The following ZNF318 variants were observed in gnomAD, a reference collection of about 807,000 sequenced individuals.
The protein encoded by ZNF318 is endocrine regulator.
In ZNF318, 51 loss-of-function variants were observed where a neutral mutation model predicts 124.2. The ratio of observed to expected loss-of-function variants is 0.41; its 90% CI spans 0.33 to 0.52. The LOEUF is 0.52. Ranked by LOEUF, ZNF318 falls within the 20% of genes least tolerant of loss-of-function variation. The probability of loss-of-function intolerance (pLI) is 0.23; values close to 1 mark genes in which losing one functional copy is unlikely to be tolerated. For synonymous variants in ZNF318, 1,090 were observed against 1,040.7 expected (o/e 1.05, Z -0.91); for missense variants, 2,815 against 2,811.2 (o/e 1.00, Z -0.03).
At chr6:43,345,542 G>A (rs1779428201) in intron 6 of ZNF318, among the ~76,000 whole-genome samples, 2 of 152,282 alleles carry the variant, frequency 1.3e-5, no homozygotes, top group East Asian at 3.9e-4. Context: ...TACATGAATA[G>A]AAATCCAATG....
At chr6:43,351,956 C>T (rs1356859067) in intron 5 of ZNF318, among the ~76,000 whole-genome samples, 2 of 151,998 alleles carry the variant, frequency 1.3e-5, no homozygotes, top group Non-Finnish European at 2.9e-5. Context: ...AACTGGTCAA[C>T]ATGGTGAAAC....
At chr6:43,352,631 TC>T (rs1236617880) in intron 4 of ZNF318, among the ~76,000 whole-genome samples, 155 bp from the exon 5 acceptor site, 2 of 152,362 alleles carry the variant, frequency 1.3e-5, no homozygotes, top group East Asian at 3.9e-4. Context: ...AATATTTCGT[TC>T]TAAGTTCCAG....
rs143473735 is a variant in ZNF318 at position 43,364,992 on chromosome 6, T to C, written c.548+300A>G. 2.4e-4 allele frequency among the ~76,000 whole-genome samples: 37 copies of C among 152,314 alleles called. No homozygotes were observed. The East Asian group carries it at 6.2e-3, about 25-fold the overall frequency. On this transcript the variant is annotated intron_variant, in intron 2 of 9. Coordinates refer to ENST00000361428, the MANE Select transcript of ZNF318 (RefSeq NM_014345.3). ...TCACTGTTTTAGAATCTATACCATCTCAACTGTTCTTCATTTGGGGGACTC... is the reference window on the plus strand; with the variant it reads ...TCACTGTTTTAGAATCTATACCATCCCAACTGTTCTTCATTTGGGGGACTC...
intron 5 of ZNF318, among the ~76,000 whole-genome samples, chr6:43,350,372 AAAAT>A (rs1220011558): frequency 9.8e-5 from 15 of 152,362 alleles, no homozygotes; most frequent in Admixed American, 8.5e-4. Flanking sequence ...TTTGAGCATG[AAAAT>A]AAATAATGAT....
rs759338416 is a variant in ZNF318, at chr6:43,355,712, T to A, written c.1622A>T (p.Asp541Val). 1.9e-6 allele frequency: 3 copies of A among 1,614,022 alleles called. No homozygotes were observed. Among genetic ancestry groups the A allele is most frequent in the African/African-American group, 2.7e-5 (2 of 74,908 alleles). ...TTCTGCCTTTAAATCCTCTTCTTCA[T>A]CCCCATAGAGAAATTTCTCCTCATC... ...IEDEEKFLYG[D>V]EEEDLKAESV... Residue 541 changes from aspartate to valine, a missense_variant, in exon 4 of 10, where the codon GAT becomes GTT. Asp to Val is a radical substitution (Grantham distance 152, BLOSUM62 -3). Coordinates refer to ENST00000361428, the MANE Select transcript of ZNF318 (RefSeq NM_014345.3).
chr6:43,342,620 A>G (rs887326534), intron 7 of ZNF318, 56 bp downstream of exon 7: 15 of 1,560,228 alleles, frequency 9.6e-6, no homozygotes, highest in Non-Finnish European at 1.3e-5. Flanking sequence ...ATAGGGGTAT[A>G]GAAGTTTGAA....
At chr6:43,364,308 G>C in intron 2 of ZNF318, 13 of 200,950 alleles carry the variant, frequency 6.5e-5, no homozygotes, top group South Asian at 1.2e-4. Context: ...TTTTATACAA[G>C]AAATATAAAG....
chr6:43,368,865 G>C, intron 1 of ZNF318, 102 bp downstream of exon 1: 1 of 1,242,700 alleles, frequency 8.0e-7, no homozygotes, highest in Middle Eastern at 2.4e-4. Context: ...GAGGCTTCGC[G>C]CTTAGGACCC....
rs1779590777 is a variant in ZNF318 at position 43,355,400 on chromosome 6, C to G, written c.1934G>C (p.Cys645Ser). The change falls in exon 4 of 10, where the codon TGT becomes TCT. Residue 645 changes from cysteine to serine, a missense_variant. This residue lies in a region of ZNF318 where 1,377 missense variants were observed against 1,353.5 expected (regional missense o/e 1.02). Coordinates refer to ENST00000361428, the MANE Select transcript of ZNF318 (RefSeq NM_014345.3). ...SVDRYFSADHCSSVDHRFSAD... is the reference protein window; with the variant it reads ...SVDRYFSADHSSSVDHRFSAD... ...TGAGAAGCGGTGGTCAACTGAGGAA[C>G]AGTGGTCAGCTGAAAAGTATCGGTC... 9 of 1,614,092 alleles carry G rather than the reference C, an allele frequency of 5.6e-6. No individual in the cohort carries two copies. Among genetic ancestry groups the G allele is most frequent in the Non-Finnish European group, 7.6e-6 (9 of 1,180,008 alleles).
rs1230381160 is a variant in ZNF318, at chr6:43,369,257, G to A, written c.109C>T (p.Arg37Cys). The stretch of plus-strand genomic sequence containing the variant: ...GGCGGAGGCGGCGGTGAGCTGCGGC[G>A]AGCCGGGCCTGAGGAGGAGCCAGAG... Reference protein sequence around the residue: ...RSSGSSSGPARRSSPPPPPSG... With the variant: ...RSSGSSSGPACRSSPPPPPSG... The change falls in exon 1 of 10, where the codon CGC becomes TGC. Residue 37 changes from arginine (R) to cysteine (C), a missense_variant. By Grantham distance (180) the Arg-to-Cys change is radical. Transcript: ENST00000361428. 1 of 1,265,464 alleles carries A rather than the reference G, an allele frequency of 7.9e-7. No homozygotes were observed. Among genetic ancestry groups the A allele is most frequent in the Non-Finnish European group, 1.0e-6 (1 of 1,004,330 alleles). The allele number at this position is 1,265,464 out of a possible 1,614,324, so 78.4% of individuals were successfully genotyped here. A position where few individuals can be genotyped will look rare whatever the true frequency, so the allele number is the denominator to read the frequency against.
rs1483170073 is a variant in ZNF318 at position 43,348,615 on chromosome 6, C to T, written c.2781G>A (p.Leu927=). 2 of 1,613,844 alleles carry T rather than the reference C, an allele frequency of 1.2e-6. No homozygotes were observed. Among genetic ancestry groups the T allele is most frequent in the Admixed American group, 1.7e-5 (1 of 60,004 alleles). The change falls in exon 6 of 10, where the codon CTG becomes CTA. Residue 927 remains leucine, a synonymous_variant. Transcript: ENST00000361428. ...CATCCTTCTCCCTTCGTTTCTTGCG[C>T]AGCATTTCTCCTGAGCAATCAAATG... ...ERLHKQQGEM[L]RKKRREKDGH...
intron 1 of ZNF318, among the ~76,000 whole-genome samples, chr6:43,367,837 A>C (rs1248752963): frequency 6.6e-6 from 1 of 152,174 alleles, no homozygotes; most frequent in African/African-American, 2.4e-5. Flanking sequence ...TTAGAGAGCC[A>C]CTCAAAAAAG....
chr6:43,341,587 T>C (rs1779374010), intron 8 of ZNF318, among the ~76,000 whole-genome samples: 2 of 150,790 alleles, frequency 1.3e-5, no homozygotes, highest in Admixed American at 6.6e-5. Context: ...GAGGCGGGGC[T>C]TGCAGTGAGC....
chr6:43,343,418 T>G (rs1447196712), intron 6 of ZNF318, among the ~76,000 whole-genome samples: 1 of 152,194 alleles, frequency 6.6e-6, no homozygotes, highest in Non-Finnish European at 1.5e-5. Flanking sequence ...GAAGGGTTGG[T>G]GTACATAGAT....
chr6:43,353,542 T>C (rs1026529594), intron 4 of ZNF318, among the ~76,000 whole-genome samples: 20 of 152,086 alleles, frequency 1.3e-4, no homozygotes, highest in African/African-American at 4.8e-4. Context: ...ACCCGGCTAA[T>C]TTTTTGTATT....
intron 3 of ZNF318, 54 bp downstream of exon 3, chr6:43,357,072 C>CT (rs1399715509): frequency 1.3e-6 from 2 of 1,540,466 alleles, no homozygotes; most frequent in African/African-American, 1.4e-5. Context: ...AGTAAGCAGG[C>CT]TTTAAGATAT....
intron 1 of ZNF318, 135 bp from the exon 2 acceptor site, chr6:43,365,575 G>C: frequency 1.3e-6 from 1 of 779,192 alleles, no homozygotes. Flanking sequence ...GGGAGGCTGA[G>C]GTGTATAGGC....
At chr6:43,365,152 C>T in intron 2 of ZNF318, 140 bp downstream of exon 2, 7 of 800,730 alleles carry the variant, frequency 8.7e-6, no homozygotes, top group Non-Finnish European at 1.3e-5. Context: ...TCTATCCCAG[C>T]GTTTTATTTT....
intron 6 of ZNF318, among the ~76,000 whole-genome samples, chr6:43,347,450 T>C (rs770215875): frequency 3.3e-5 from 5 of 152,194 alleles, no homozygotes; most frequent in Admixed American, 6.5e-5. Context: ...GAATTTGTAA[T>C]TGATTGCATA....
Sources: allele counts gnomAD v4.1 joint callset (sites outside exome capture counted in the v4.1 genomes callset), GRCh38; gene constraint gnomAD v4.1.1; regional missense constraint gnomAD v4.1.1; transcripts MANE v1.5; gene names NCBI Gene and HGNC (gene_info 2026-07-23, HGNC 2026-07-21).